Variants in ROBO2 observed in about 807,000 individuals in gnomAD.
ROBO2 encodes the protein roundabout homolog 2.
A neutral mutation model predicts 160.8 loss-of-function variants in ROBO2; 53 were observed. The ratio of observed to expected loss-of-function variants is 0.33; its 90% CI spans 0.26 to 0.41. ROBO2 has a LOEUF of 0.41. Ranked by LOEUF, ROBO2 falls within the 10% of genes least tolerant of loss-of-function variation. The probability of loss-of-function intolerance (pLI) is 1.00; values close to 1 mark genes in which losing one functional copy is unlikely to be tolerated. For synonymous variants in ROBO2, 664 were observed against 611.7 expected, an observed-to-expected ratio of 1.09 and a Z score of -1.26; for missense variants, 1,577 against 1,722.4, an observed-to-expected ratio of 0.92 and a Z score of 1.49.
intron 2 of ROBO2, among the ~76,000 whole-genome samples, chr3:76,757,907 A>G (rs1161911897): frequency 1.3e-5 from 2 of 151,718 alleles, no homozygotes; most frequent in African/African-American, 2.4e-5. Context: ...ATTTTTCCTA[A>G]AAGGCACGAT....
rs372777542 is a variant in ROBO2, at chr3:76,493,789, G to T, written c.109+556187G>T. Among the ~76,000 whole-genome samples, 376 of 152,218 alleles carry T rather than the reference G, an allele frequency of 2.5e-3. 1 individual carries two copies. The highest frequency in any genetic ancestry group is 4.7e-3 in the Non-Finnish European group (318 of 68,020). ...CTTGTACCTCTGCGAGGCACTGAATGCATCTCCCCTTTCTTCTCAAAGTTA... is the reference window on the plus strand; with the variant it reads ...CTTGTACCTCTGCGAGGCACTGAATTCATCTCCCCTTTCTTCTCAAAGTTA... On this transcript the variant is annotated intron_variant, in intron 2 of 26. Coordinates refer to the ROBO2 transcript ENST00000487694.
chr3:75,945,784 A>C (rs1027072966), intron 2 of ROBO2, among the ~76,000 whole-genome samples: 1 of 152,174 alleles, frequency 6.6e-6, no homozygotes, highest in Non-Finnish European at 1.5e-5. Flanking sequence ...TTAGGTATTT[A>C]ACTGAAGATG....
intron 2 of ROBO2, among the ~76,000 whole-genome samples, chr3:76,789,306 C>T (rs1240552818): frequency 1.3e-5 from 2 of 151,386 alleles, no homozygotes; most frequent in South Asian, 4.1e-4. Flanking sequence ...TTTTTCCAAG[C>T]AGAACAGTAC....
At chr3:77,617,818 G>A (rs199814101) in intron 22 of ROBO2, 45 bp downstream of exon 23, 1 of 1,603,034 alleles carries the variant, frequency 6.2e-7, no homozygotes, top group East Asian at 2.2e-5. Flanking sequence ...TTCAACACAT[G>A]GAAATTTTTT....
chr3:76,249,495 C>G (rs1365716850), intron 2 of ROBO2, among the ~76,000 whole-genome samples: 1 of 152,124 alleles, frequency 6.6e-6, no homozygotes, highest in Non-Finnish European at 1.5e-5. Flanking sequence ...TCTGCAGGAA[C>G]TGCCTAAAGC....
At chr3:75,971,176 T>C (rs1261607570) in intron 2 of ROBO2, among the ~76,000 whole-genome samples, 1 of 151,488 alleles carries the variant, frequency 6.6e-6, no homozygotes, top group South Asian at 2.1e-4. Flanking sequence ...CATTTTTAGA[T>C]TTCAGGCTTT....
intron 1 of ROBO2, among the ~76,000 whole-genome samples, chr3:75,925,357 T>C (rs1947250825): frequency 1.3e-5 from 2 of 152,082 alleles, no homozygotes; most frequent in South Asian, 4.1e-4. Context: ...GCCACTGCGC[T>C]CCAGTGTGGG....
At chr3:76,260,909 T>G (rs1199491735) in intron 2 of ROBO2, among the ~76,000 whole-genome samples, 2 of 152,064 alleles carry the variant, frequency 1.3e-5, no homozygotes, top group South Asian at 4.1e-4. Flanking sequence ...TTTTCCTGTT[T>G]CCAATTTTTT....
At chr3:77,359,123 A>T (rs2069559698) in intron 2 of ROBO2, among the ~76,000 whole-genome samples, 3 of 152,242 alleles carry the variant, frequency 2.0e-5, no homozygotes, top group Admixed American at 6.5e-5. Flanking sequence ...TCTAAATAGG[A>T]ATCAAATGTT....
At chr3:76,250,378 A>T (rs760230677) in intron 2 of ROBO2, among the ~76,000 whole-genome samples, 1 of 152,132 alleles carries the variant, frequency 6.6e-6, no homozygotes, top group Non-Finnish European at 1.5e-5. Context: ...TACTGAAATC[A>T]GATCTGTATC....
chr3:76,314,394 C>A (rs1264033071), intron 2 of ROBO2, among the ~76,000 whole-genome samples: 1 of 151,982 alleles, frequency 6.6e-6, no homozygotes, highest in Non-Finnish European at 1.5e-5. Flanking sequence ...GTTTACAATG[C>A]AGATGTTCAA....
chr3:75,958,345 TA>T (rs1948790409), intron 2 of ROBO2, among the ~76,000 whole-genome samples: 1 of 151,816 alleles, frequency 6.6e-6, no homozygotes, highest in East Asian at 1.9e-4. Flanking sequence ...GCAGCACTCT[TA>T]TAGGAATAGA....
At chr3:76,173,540 G>A (rs750754917) in intron 2 of ROBO2, among the ~76,000 whole-genome samples, 4 of 151,278 alleles carry the variant, frequency 2.6e-5, no homozygotes, top group Non-Finnish European at 5.9e-5. Context: ...AGGCCCCAAT[G>A]TGCGATATTC....
chr3:76,885,326 G>A (rs2073769375), intron 2 of ROBO2, among the ~76,000 whole-genome samples: 1 of 152,092 alleles, frequency 6.6e-6, no homozygotes, highest in African/African-American at 2.4e-5. Flanking sequence ...ATTGAATTAA[G>A]CTTTGAATAT....
At chr3:75,951,333 A>G (rs1240621832) in intron 2 of ROBO2, among the ~76,000 whole-genome samples, 1 of 152,030 alleles carries the variant, frequency 6.6e-6, no homozygotes, top group Non-Finnish European at 1.5e-5. Context: ...TGGACAGTAA[A>G]TATTATAGGC....
intron 2 of ROBO2, among the ~76,000 whole-genome samples, chr3:76,912,536 A>G (rs1440250970): frequency 6.6e-6 from 1 of 152,174 alleles, no homozygotes; most frequent in Non-Finnish European, 1.5e-5. Flanking sequence ...TCAGCATGTA[A>G]TAATCAGTAG....
intron 2 of ROBO2, among the ~76,000 whole-genome samples, chr3:76,203,829 C>T (rs1413847330): frequency 6.6e-6 from 1 of 152,170 alleles, no homozygotes; most frequent in East Asian, 1.9e-4. Flanking sequence ...CAGATTGCCT[C>T]AGGCTATCGG....
intron 5 of ROBO2, among the ~76,000 whole-genome samples, chr3:77,505,997 G>A (rs560607454): frequency 6.6e-6 from 1 of 152,248 alleles, no homozygotes; most frequent in African/African-American, 2.4e-5. Flanking sequence ...CAGCCTTAAA[G>A]TTTGAGTCCC....
chr3:77,174,708 T>A (rs1168742164), intron 2 of ROBO2, among the ~76,000 whole-genome samples: 2 of 152,068 alleles, frequency 1.3e-5, no homozygotes, highest in African/African-American at 2.4e-5. Context: ...TTTCATTTAC[T>A]CCAGTCGAAA....
Sources: allele counts gnomAD v4.1 joint callset (sites outside exome capture counted in the v4.1 genomes callset), GRCh38; gene constraint gnomAD v4.1.1; transcripts MANE v1.5; gene names NCBI Gene and HGNC (gene_info 2026-07-23, HGNC 2026-07-21).